Variants in CEP128 observed in about 807,000 individuals in gnomAD.
CEP128 encodes the protein centrosomal protein 128, also known as centrosomal protein 128kDa.
In CEP128, 132 loss-of-function variants were observed where a neutral mutation model predicts 156.7. That is an observed-to-expected ratio of 0.84 (90% CI 0.73 to 0.97). The LOEUF is 0.97. CEP128 is among the 50% of genes least tolerant of loss of function. The probability of loss-of-function intolerance (pLI) is 0.00; values close to 1 mark genes in which losing one functional copy is unlikely to be tolerated. For missense variants in CEP128, 1,252 were observed against 1,281.9 expected, an observed-to-expected ratio of 0.98 and a Z score of 0.36; for synonymous variants, 469 against 448.9, an observed-to-expected ratio of 1.04 and a Z score of -0.57.
intron 15 of CEP128, among the ~76,000 whole-genome samples, chr14:80,780,904 AAT>A (rs928527529): frequency 1.1e-4 from 16 of 152,198 alleles, no homozygotes; most frequent in African/African-American, 3.4e-4. Context: ...AACAAATCAA[AAT>A]ACAAGGCAGC....
intron 23 of CEP128, among the ~76,000 whole-genome samples, chr14:80,507,217 C>A (rs1888019141): frequency 6.6e-6 from 1 of 152,058 alleles, no homozygotes; most frequent in Non-Finnish European, 1.5e-5. Context: ...TACAGCAACA[C>A]AAGATCAGAC....
At chr14:80,918,302 A>G (rs1411022560) in intron 2 of CEP128, among the ~76,000 whole-genome samples, 1 of 152,244 alleles carries the variant, frequency 6.6e-6, no homozygotes, top group Non-Finnish European at 1.5e-5. Context: ...CATCTCATAA[A>G]TCTATGCCAC....
At chr14:80,858,459 G>T (rs1167296892) in intron 9 of CEP128, among the ~76,000 whole-genome samples, 5 of 113,232 alleles carry the variant, frequency 4.4e-5, no homozygotes, top group African/African-American at 1.8e-4. Flanking sequence ...GAAAACCTAG[G>T]CATTACCATT....
At chr14:80,924,063 T>C (rs1156287914) in intron 2 of CEP128, among the ~76,000 whole-genome samples, 3 of 152,236 alleles carry the variant, frequency 2.0e-5, no homozygotes, top group Non-Finnish European at 4.4e-5. Context: ...CATGCGGAAC[T>C]GTGAGTCAAT....
intron 19 of CEP128, among the ~76,000 whole-genome samples, chr14:80,734,770 C>T (rs999314138): frequency 2.7e-5 from 4 of 148,478 alleles, no homozygotes; most frequent in African/African-American, 1.0e-4. Flanking sequence ...ATCACTTAAA[C>T]CCAGGAGGCA....
chr14:80,955,277 G>A (rs1886594964), intron 2 of CEP128: 3 of 355,524 alleles, frequency 8.4e-6, no homozygotes, highest in Admixed American at 4.3e-5. Context: ...GTGGCTCCTT[G>A]GATTTAAAGA....
chr14:80,579,844 T>C (rs1175175917), intron 20 of CEP128, among the ~76,000 whole-genome samples: 1 of 152,214 alleles, frequency 6.6e-6, no homozygotes, highest in Non-Finnish European at 1.5e-5. Flanking sequence ...CCATTGCTCA[T>C]ATCACAGAAA....
At chr14:80,928,879 G>A (rs1335986821) in intron 2 of CEP128, among the ~76,000 whole-genome samples, 1 of 152,010 alleles carries the variant, frequency 6.6e-6, no homozygotes, top group Non-Finnish European at 1.5e-5. Flanking sequence ...AAAAATAAAT[G>A]GGACCTAATT....
intron 21 of CEP128, among the ~76,000 whole-genome samples, chr14:80,557,182 G>A (rs556201901): frequency 6.6e-6 from 1 of 152,124 alleles, no homozygotes; most frequent in African/African-American, 2.4e-5. Flanking sequence ...CGTTAGTGAA[G>A]AGATTAGATA....
chr14:80,903,531 A>G (rs1400191623), intron 6 of CEP128, among the ~76,000 whole-genome samples: 1 of 152,146 alleles, frequency 6.6e-6, no homozygotes, highest in Non-Finnish European at 1.5e-5. Flanking sequence ...GCTTCTGCAT[A>G]GCAAAAGAAA....
intron 19 of CEP128, among the ~76,000 whole-genome samples, chr14:80,659,896 C>T (rs1337524783): frequency 1.3e-5 from 2 of 152,142 alleles, no homozygotes; most frequent in Non-Finnish European, 1.5e-5. Flanking sequence ...TCTACCCATG[C>T]CCCCTTATCA....
rs1033687368 is a variant in CEP128 at position 80,955,398 on chromosome 14, G to C, written c.-172+2780C>G. On this transcript the variant is annotated intron_variant, in intron 2 of 7. Transcript: ENST00000555529. ...GAGGGGACAGCCAGGACTGGTGTTGGGTGTCAGGGAACAGACGGAGCGGAC... is the reference window on the plus strand; with the variant it reads ...GAGGGGACAGCCAGGACTGGTGTTGCGTGTCAGGGAACAGACGGAGCGGAC... 5 of 531,074 alleles carry C rather than the reference G, an allele frequency of 9.4e-6. No homozygotes were observed. In the African/African-American group the frequency reaches 9.5e-5, roughly 10 times the overall value. The allele number at this position is 531,074 out of a possible 1,614,324, so 32.9% of individuals were successfully genotyped here.
intron 13 of CEP128, among the ~76,000 whole-genome samples, chr14:80,805,120 G>A (rs11847393): frequency 0.065 from 9,892 of 151,798 alleles, 1,069 homozygotes; most frequent in African/African-American, 0.23. Context: ...TTGAGGTTTT[G>A]GGATAAACCT....
chr14:80,780,145 A>G (rs1901028377), intron 15 of CEP128, among the ~76,000 whole-genome samples: 1 of 152,172 alleles, frequency 6.6e-6, no homozygotes, highest in Non-Finnish European at 1.5e-5. Flanking sequence ...AAAAAATAGA[A>G]CTAATTTGTA....
At position 80,526,951 on chromosome 14, in the gene CEP128, C is replaced by T; in HGVS notation, c.2990G>A (p.Gly997Glu). ...GCGAACCCTGTATTTGGAATATCTT[C>T]CATCAGTTCTCTCAGATGAACTGCA... ...DSCSSSERTD[G>E]RYSKYRVRRN... Residue 997 changes from glycine to glutamate, a missense_variant, in exon 23 of 25, where the codon GGA (glycine) becomes GAA (glutamate). Gly to Glu is a moderately conservative substitution (Grantham distance 98). Transcript: ENST00000555265. 1.9e-6 allele frequency: 3 copies of T among 1,603,090 alleles called. No homozygotes were observed. The highest frequency in any genetic ancestry group is 2.6e-6 in the Non-Finnish European group (3 of 1,173,448).
chr14:80,617,931 A>G (rs1893296558), intron 19 of CEP128, among the ~76,000 whole-genome samples: 1 of 152,248 alleles, frequency 6.6e-6, no homozygotes, highest in Admixed American at 6.5e-5. Context: ...CTTAATAACC[A>G]TGTAAGTTAG....
chr14:80,766,455 T>C (rs544306484), intron 16 of CEP128, among the ~76,000 whole-genome samples: 140 of 152,184 alleles, frequency 9.2e-4, no homozygotes, highest in Non-Finnish European at 1.5e-3. Context: ...GAGCATTCAC[T>C]TTCCCAGAGG....
chr14:80,864,429 T>C (rs533803080), intron 8 of CEP128, among the ~76,000 whole-genome samples: 1 of 152,298 alleles, frequency 6.6e-6, no homozygotes, highest in Admixed American at 6.5e-5. Flanking sequence ...TAGAATCCTA[T>C]CAAAATTAAA....
chr14:80,738,625 TATA>T (rs1483800180), intron 19 of CEP128, among the ~76,000 whole-genome samples: 2 of 152,204 alleles, frequency 1.3e-5, no homozygotes, highest in African/African-American at 2.4e-5. Context: ...GTAAGTACAG[TATA>T]ATAAGACACC....
Sources: gnomAD v4.1 joint callset for allele counts (sites outside exome capture counted in the v4.1 genomes callset) on GRCh38, gnomAD v4.1.1 for gene constraint, MANE v1.5 for transcripts, NCBI Gene and HGNC (gene_info 2026-07-23, HGNC 2026-07-21) for gene names.